Variants in ARHGAP32 observed in about 807,000 individuals in gnomAD.
ARHGAP32 encodes rho GTPase-activating protein 32.
ARHGAP32 carries 51 observed loss-of-function variants against 186.5 expected under a neutral mutation model. The observed-to-expected ratio is 0.27, with a 90% CI of 0.22 to 0.35. The LOEUF (loss-of-function observed/expected upper bound fraction) is 0.35, where lower values mean the gene tolerates loss of function less well. ARHGAP32 is among the 10% of genes least tolerant of loss of function. The pLI, the probability that ARHGAP32 is intolerant of heterozygous loss-of-function variation, is 1.00. For synonymous variants in ARHGAP32, 950 were observed against 964.3 expected, an observed-to-expected ratio of 0.99 and a Z score of 0.27; for missense variants, 2,186 against 2,623.5, an observed-to-expected ratio of 0.83 and a Z score of 3.64.
intron 5 of ARHGAP32, among the ~76,000 whole-genome samples, chr11:129,112,331 T>C (rs1942244542): frequency 6.6e-6 from 1 of 152,170 alleles, no homozygotes; most frequent in African/African-American, 2.4e-5. Flanking sequence ...TCAGAATTCT[T>C]GTCTTTCACT....
intron 10 of ARHGAP32, among the ~76,000 whole-genome samples, chr11:129,048,678 A>T (rs1171219052): frequency 6.6e-6 from 1 of 152,238 alleles, no homozygotes; most frequent in Non-Finnish European, 1.5e-5. Context: ...AATACTAAGC[A>T]TAATACTGAA....
chr11:129,110,029 C>T (rs2135335482), intron 5 of ARHGAP32, among the ~76,000 whole-genome samples: 1 of 152,200 alleles, frequency 6.6e-6, no homozygotes, highest in South Asian at 2.1e-4. Context: ...AGACCAATAT[C>T]CAGAAGTGTT....
At chr11:129,074,296 T>A (rs1390607548) in intron 6 of ARHGAP32, among the ~76,000 whole-genome samples, 1 of 152,178 alleles carries the variant, frequency 6.6e-6, no homozygotes, top group Admixed American at 6.5e-5. Flanking sequence ...TATGGAGGTA[T>A]GTGTATATGT....
chr11:129,239,026 T>C (rs995019465), intron 1 of ARHGAP32, among the ~76,000 whole-genome samples: 2 of 151,918 alleles, frequency 1.3e-5, no homozygotes, highest in East Asian at 3.9e-4. Flanking sequence ...TATAGAGTAT[T>C]ATTTATACAG....
rs1945493575 is a variant in ARHGAP32, at chr11:128,974,686, T to A, written c.2511A>T (p.Gly837=). The A allele has an allele frequency of 1.2e-6, 2 of 1,614,062 alleles. No homozygotes were observed. Among genetic ancestry groups the A allele is most frequent in the African/African-American group, 1.3e-5 (1 of 74,918 alleles). ...ESGASFLDSP[G]YSKDKPSANK... ...TGGCACTTGGTTTATCCTTGGAGTA[T>A]CCTGGTGAATCTAAAAAGGAAGCAC... is the stretch of plus-strand genomic sequence containing the variant. The change falls in exon 21 of 23, where the codon GGA becomes GGT. Residue 837 remains glycine, a synonymous_variant. Transcript: ENST00000682385.
Position 129,095,619 on chromosome 11 carries a change from C to A in ARHGAP32, c.445-1912G>T, listed in dbSNP as rs1048459175. 9.9e-5 allele frequency among the ~76,000 whole-genome samples: 15 copies of A among 152,280 alleles called. 1 individual carries two copies. Among genetic ancestry groups the A allele is most frequent in the Admixed American group, 7.8e-4 (12 of 15,304 alleles). On this transcript the variant is annotated intron_variant, in intron 5 of 22. Transcript: ENST00000682385. The stretch of plus-strand genomic sequence containing the variant: ...CAGAGGAAAGGAGAACTGGAAGATA[C>A]CCCTCTGAAGGCACTCAGGACACTC...
chr11:129,034,728 C>CAAAAAAA (rs767897442), intron 11 of ARHGAP32, among the ~76,000 whole-genome samples: 4 of 72,506 alleles, frequency 5.5e-5, no homozygotes, highest in African/African-American at 9.7e-5. Flanking sequence ...AAACTGAAAA[C>CAAAAAAA]AAAAAAAAAA....
At chr11:129,275,476 G>T (rs566296471) in intron 1 of ARHGAP32, among the ~76,000 whole-genome samples, 1 of 152,050 alleles carries the variant, frequency 6.6e-6, no homozygotes, top group African/African-American at 2.4e-5. Flanking sequence ...AGTCTATCTG[G>T]CTCCAAAACA....
chr11:129,142,032 G>A (rs1380281234), intron 2 of ARHGAP32, among the ~76,000 whole-genome samples: 6 of 148,952 alleles, frequency 4.0e-5, no homozygotes, highest in African/African-American at 1.5e-4. Context: ...GGTCAGGAAA[G>A]AACAAGAATA....
chr11:129,139,083 A>G (rs867717138), intron 2 of ARHGAP32, among the ~76,000 whole-genome samples: 9 of 152,188 alleles, frequency 5.9e-5, no homozygotes, highest in African/African-American at 1.9e-4. Context: ...AAACTTTCTA[A>G]GACTGAAAAC....
At chr11:129,271,137 G>A (rs1321797564) in intron 1 of ARHGAP32, among the ~76,000 whole-genome samples, 1 of 152,152 alleles carries the variant, frequency 6.6e-6, no homozygotes, top group Admixed American at 6.5e-5. Flanking sequence ...AGAATGATAC[G>A]ATCTGATTAA....
intron 19 of ARHGAP32, 108 bp from the exon 20 acceptor site, chr11:128,976,742 G>T: frequency 1.1e-6 from 1 of 917,796 alleles, no homozygotes; most frequent in Non-Finnish European, 1.8e-6. Context: ...GTGATTAGCT[G>T]TACATTTTGA....
Position 129,267,793 on chromosome 11 carries a change from G to A in ARHGAP32, c.-5+11353C>T, listed in dbSNP as rs113436928. Among the ~76,000 whole-genome samples, 25 of 152,330 alleles carry A rather than the reference G, an allele frequency of 1.6e-4. 1 individual carries two copies. The highest frequency in any genetic ancestry group is 6.0e-4 in the African/African-American group (25 of 41,576). On this transcript the variant is annotated intron_variant, in intron 1 of 6. Transcript: ENST00000525234. Reference sequence around the variant, plus strand: ...CTGCCAGCTGGAAGGTTAGGCATCTGGTGAAAGCTTCAGGCTGCTTCTACT... The same window carrying A: ...CTGCCAGCTGGAAGGTTAGGCATCTAGTGAAAGCTTCAGGCTGCTTCTACT...
At position 129,009,450 on chromosome 11, in the gene ARHGAP32, C is replaced by G. The variant is rs566353876; in HGVS notation, c.1046-10982G>C. On this transcript the variant is annotated intron_variant, in intron 11 of 22. Coordinates refer to ENST00000682385, the MANE Select transcript of ARHGAP32 (RefSeq NM_001378024.1). ...ATCATCCAATCACCTAGGTATTAAGCCCAGTATCCATTAACTATTCTTCCT... is the reference window on the plus strand; with the variant it reads ...ATCATCCAATCACCTAGGTATTAAGGCCAGTATCCATTAACTATTCTTCCT... 6.2e-4 allele frequency among the ~76,000 whole-genome samples: 95 copies of G among 152,194 alleles called. 1 individual carries two copies. The highest frequency in any genetic ancestry group is 1.1e-3 in the Non-Finnish European group (77 of 67,996).
At chr11:129,059,880 C>A (rs1940420415) in intron 10 of ARHGAP32, among the ~76,000 whole-genome samples, 1 of 152,128 alleles carries the variant, frequency 6.6e-6, no homozygotes, top group Non-Finnish European at 1.5e-5. Context: ...ATCAATACCT[C>A]TTCTCACAGG....
At chr11:129,202,120 G>GT (rs1944463243) in intron 1 of ARHGAP32, among the ~76,000 whole-genome samples, 1 of 151,720 alleles carries the variant, frequency 6.6e-6, no homozygotes, top group Non-Finnish European at 1.5e-5. Context: ...AATAAAAATA[G>GT]TATTTTTAAT....
intron 5 of ARHGAP32, among the ~76,000 whole-genome samples, chr11:129,101,556 C>T (rs1381541942): frequency 6.6e-6 from 1 of 152,060 alleles, no homozygotes; most frequent in Non-Finnish European, 1.5e-5. Flanking sequence ...GTTTATAATG[C>T]AATCACAAGT....
chr11:129,181,394 G>A (rs985566257), intron 1 of ARHGAP32, among the ~76,000 whole-genome samples: 1 of 152,034 alleles, frequency 6.6e-6, no homozygotes. Flanking sequence ...TGCTCAGTTT[G>A]GTGTTCTCTA....
intron 5 of ARHGAP32, among the ~76,000 whole-genome samples, chr11:129,098,196 G>A (rs971887901): frequency 6.6e-6 from 1 of 152,112 alleles, no homozygotes; most frequent in East Asian, 1.9e-4. Context: ...AGGGATACCT[G>A]CAGGGTAAAA....
Sources: allele counts gnomAD v4.1 joint callset (sites outside exome capture counted in the v4.1 genomes callset), GRCh38; gene constraint gnomAD v4.1.1; transcripts MANE v1.5; gene names NCBI Gene and HGNC (gene_info 2026-07-23, HGNC 2026-07-21).